The following FBLN1 variants were observed in gnomAD, a reference collection of about 807,000 sequenced individuals.
FBLN1 encodes the protein fibulin 1.
FBLN1 carries 34 observed loss-of-function variants against 89.7 expected under a neutral mutation model. That is an observed-to-expected ratio of 0.38 (90% CI 0.29 to 0.50). The LOEUF is 0.50. FBLN1 is among the 20% of genes least tolerant of loss of function. The probability of loss-of-function intolerance (pLI) is 0.92; values close to 1 mark genes in which losing one functional copy is unlikely to be tolerated. For missense variants in FBLN1, 777 were observed against 988.1 expected (o/e 0.79, Z 2.86); for synonymous variants, 393 against 391.3 (o/e 1.00, Z -0.05).
At chr22:45,524,940 C>T (rs957388446) in intron 2 of FBLN1, among the ~76,000 whole-genome samples, 1 of 152,036 alleles carries the variant, frequency 6.6e-6, no homozygotes, top group African/African-American at 2.4e-5. Context: ...AAAAGTTAGC[C>T]AGGTGTGGTG....
chr22:45,570,377 AAAG>A (rs1198293391), intron 14 of FBLN1, among the ~76,000 whole-genome samples: 1 of 150,654 alleles, frequency 6.6e-6, no homozygotes, highest in Non-Finnish European at 1.5e-5. Flanking sequence ...AAAAAGAAAA[AAAG>A]AAAGAAAGAA....
In FBLN1 at chr22:45,525,573, G is replaced by A. The variant is rs1343157705; in HGVS notation, c.216G>A (p.Gln72=). 1.7e-5 allele frequency: 26 copies of A among 1,549,828 alleles called. No homozygotes were observed. Among genetic ancestry groups the A allele is most frequent in the Non-Finnish European group, 2.3e-5 (26 of 1,146,858 alleles). Residue 72 remains glutamine (Q), a synonymous_variant, in exon 3 of 17, where the codon CAG becomes CAA. Coordinates refer to ENST00000327858, the MANE Select transcript of FBLN1 (RefSeq NM_006486.3). ...RMVQEQCCHS[Q]LEELHCATGI... ...TGCAGGAGCAGTGCTGCCACAGCCA[G>A]CTGGAGGAGCTGCACTGTGCCACGG...
At chr22:45,512,320 C>G (rs947853754) in intron 1 of FBLN1, among the ~76,000 whole-genome samples, 1 of 152,008 alleles carries the variant, frequency 6.6e-6, no homozygotes, top group Admixed American at 6.6e-5. Flanking sequence ...CCTGACTGAT[C>G]AGGCAGTTGG....
chr22:45,599,182 G>C (rs944331162), intron 16 of FBLN1, among the ~76,000 whole-genome samples: 2 of 152,164 alleles, frequency 1.3e-5, no homozygotes, highest in East Asian at 1.9e-4. Context: ...CTCTGGCCAC[G>C]GTCTTTGCCT....
At position 45,588,177 on chromosome 22, in the gene FBLN1, C is replaced by G. The variant is rs1403896502; in HGVS notation, c.1972+11069C>G. 1.3e-5 allele frequency among the ~76,000 whole-genome samples: 2 copies of G among 152,086 alleles called. No homozygotes were observed. The highest frequency in any genetic ancestry group is 2.9e-5 in the Non-Finnish European group (2 of 68,020). ...GCAGCATGGCGGTACAGCTTTAAAT[C>G]TGGTGGTCAGTGACATTTGTCAAAG... is the stretch of plus-strand genomic sequence containing the variant. On this transcript the variant is annotated intron_variant, in intron 16 of 16. Coordinates refer to ENST00000327858, the MANE Select transcript of FBLN1 (RefSeq NM_006486.3). This position sits in a 1 kb window ranked among gnomAD's most constrained non-coding sequence, Gnocchi z 5.1.
chr22:45,559,901 T>C (rs1038797072), intron 14 of FBLN1, among the ~76,000 whole-genome samples: 2 of 152,360 alleles, frequency 1.3e-5, no homozygotes, highest in East Asian at 1.9e-4. Flanking sequence ...CCGCCTCCCC[T>C]TCATTCAAGG....
chr22:45,549,776 A>G lies in FBLN1; in HGVS notation c.1574-716A>G, dbSNP rs1308704230. Reference sequence around the variant, plus strand: ...CCACTGTTTGGCTGCTCCAGAGTCTATGGGAGTTGGGCTGCTCCCCCATCT... The same window carrying G: ...CCACTGTTTGGCTGCTCCAGAGTCTGTGGGAGTTGGGCTGCTCCCCCATCT... On this transcript the variant is annotated intron_variant, in intron 13 of 16. Transcript: ENST00000327858. The surrounding 1 kb of genome is among the most constrained non-coding windows in gnomAD (Gnocchi z 5.7). Among the ~76,000 whole-genome samples the G allele has an allele frequency of 6.6e-6, 1 of 152,110 alleles. No homozygotes were observed. Among genetic ancestry groups the G allele is most frequent in the African/African-American group, 2.4e-5 (1 of 41,414 alleles).
In FBLN1 at chr22:45,518,736, CTCA is replaced by C. The variant is rs2088205368; in HGVS notation, c.138_140del (p.His46del). 1 of 1,612,280 alleles carries C rather than the reference CTCA, an allele frequency of 6.2e-7. No individual in the cohort carries two copies. Among genetic ancestry groups the C allele is most frequent in the Admixed American group, 1.7e-5 (1 of 59,866 alleles). On this transcript the variant is annotated inframe_deletion, in exon 2 of 17. Transcript: ENST00000327858. ...TGTGCGGACGGACACCGGATGGCCACTCATCAGAAGGACTGCTCGCTGCCATAT... is the reference window on the plus strand; with the variant it reads ...TGTGCGGACGGACACCGGATGGCCACTCAGAAGGACTGCTCGCTGCCATAT...
At position 45,548,660 on chromosome 22, in the gene FBLN1, C is replaced by CGCT. The variant is rs762432995; in HGVS notation, c.1492_1494dup (p.Cys498dup). On this transcript the variant is annotated inframe_insertion, in exon 13 of 17. Coordinates refer to ENST00000327858, the MANE Select transcript of FBLN1 (RefSeq NM_006486.3). ...CACCGGGGGCCACATCTGCTCCTAC[C>CGCT]GCTGCATCAACATCCCTGGAAGCTT... 1 of 1,613,874 alleles carries CGCT rather than the reference C, an allele frequency of 6.2e-7. No homozygotes were observed. The highest frequency in any genetic ancestry group is 1.1e-5 in the South Asian group (1 of 91,086).
At chr22:45,587,996 T>G (rs1003026758) in intron 16 of FBLN1, among the ~76,000 whole-genome samples, 1 of 152,200 alleles carries the variant, frequency 6.6e-6, no homozygotes, top group African/African-American at 2.4e-5. Context: ...GGTCCTGCTC[T>G]GAGGAATGCA....
intron 16 of FBLN1, among the ~76,000 whole-genome samples, chr22:45,586,624 C>T (rs1253737064): frequency 6.6e-6 from 1 of 152,248 alleles, no homozygotes. Context: ...AAATTTCCAT[C>T]TCCCGTGCCT....
chr22:45,573,188 T>C (rs907962783), intron 14 of FBLN1, among the ~76,000 whole-genome samples: 2 of 151,418 alleles, frequency 1.3e-5, no homozygotes, highest in African/African-American at 4.9e-5. Flanking sequence ...ATTGCGCCAT[T>C]GTACTCCAGC....
chr22:45,598,274 T>C (rs993786775), intron 16 of FBLN1, among the ~76,000 whole-genome samples: 6 of 152,192 alleles, frequency 3.9e-5, no homozygotes, highest in African/African-American at 1.4e-4. Context: ...TCTCCACAAG[T>C]CCACTTTCAG....
intron 14 of FBLN1, among the ~76,000 whole-genome samples, chr22:45,552,826 C>T (rs2088721940): frequency 6.6e-6 from 1 of 152,200 alleles, no homozygotes; most frequent in Non-Finnish European, 1.5e-5. Flanking sequence ...CTGTTACAGT[C>T]CTGCCCACAC....
chr22:45,568,326 G>A (rs2088915295), intron 14 of FBLN1, among the ~76,000 whole-genome samples: 1 of 152,226 alleles, frequency 6.6e-6, no homozygotes, highest in South Asian at 2.1e-4. Context: ...TCATGGTTCT[G>A]GAGGCCAGAA....
rs2088396391 is a variant in FBLN1, at chr22:45,530,848, C to G, written c.485-417C>G. Among the ~76,000 whole-genome samples, 1 of 152,086 alleles carries G rather than the reference C, an allele frequency of 6.6e-6. No homozygotes were observed. Among genetic ancestry groups the G allele is most frequent in the African/African-American group, 2.4e-5 (1 of 41,384 alleles). ...GTGTGATCTTGACTCACTGCAACCT[C>G]CGACTCCTGAGTTCAAGCGATTATC... On this transcript the variant is annotated intron_variant, in intron 4 of 16. Transcript: ENST00000327858. The surrounding 1 kb of genome is among the most constrained non-coding windows in gnomAD (Gnocchi z 5.4).
Position 45,579,050 on chromosome 22 carries a change from C to A in FBLN1, c.1972+1942C>A, listed in dbSNP as rs1292932675. ...GGCTCTCTTAGGGGAAGTCTCCTGG[C>A]AGGTTTTACGTCTTTAGTTCCCACC... On this transcript the variant is annotated intron_variant, in intron 16 of 16. Transcript: ENST00000327858. The surrounding 1 kb of genome is among the most constrained non-coding windows in gnomAD (Gnocchi z 5.5). 6.6e-6 allele frequency among the ~76,000 whole-genome samples: 1 copy of A among 152,204 alleles called. No homozygotes were observed. The highest frequency in any genetic ancestry group is 1.5e-5 in the Non-Finnish European group (1 of 68,032).
At chr22:45,564,929 T>A in intron 14 of FBLN1, 1 of 1,614,040 alleles carries the variant, frequency 6.2e-7, no homozygotes, top group Non-Finnish European at 8.5e-7. Flanking sequence ...CGGGATCAAG[T>A]AAAGAGGACT....
At chr22:45,541,998 G>A (rs1477147513) in intron 9 of FBLN1, among the ~76,000 whole-genome samples, 157 bp from the exon 10 acceptor site, 3 of 152,242 alleles carry the variant, frequency 2.0e-5, no homozygotes, top group Admixed American at 6.5e-5. Flanking sequence ...TCCCAGTCCA[G>A]GGCCCGGCAC....
Sources: allele counts gnomAD v4.1 joint callset (sites outside exome capture counted in the v4.1 genomes callset), GRCh38; gene constraint gnomAD v4.1.1; non-coding constraint Gnocchi (gnomAD v3.1); transcripts MANE v1.5; gene names NCBI Gene and HGNC (gene_info 2026-07-23, HGNC 2026-07-21).